Variants in PCDHGA9 observed in about 807,000 individuals in gnomAD.
PCDHGA9 encodes protocadherin gamma subfamily A, 9.
PCDHGA9 carries 37 observed loss-of-function variants against 62.5 expected under a neutral mutation model. The ratio of observed to expected loss-of-function variants is 0.59; its 90% confidence interval spans 0.46 to 0.78. The LOEUF (loss-of-function observed/expected upper bound fraction) is 0.78, where lower values mean the gene tolerates loss of function less well. Among genes scored for constraint, PCDHGA9 ranks in the 30% least tolerant of loss-of-function variants. PCDHGA9 has a pLI of 0.00. For synonymous variants in PCDHGA9, 459 were observed against 484.6 expected, an observed-to-expected ratio of 0.95 and a Z score of 0.69; for missense variants, 1,138 against 1,166.2, an observed-to-expected ratio of 0.98 and a Z score of 0.35.
chr5:141,499,457 T>G (rs1000400491), intron 2 of PCDHGA9, among the ~76,000 whole-genome samples: 1 of 152,214 alleles, frequency 6.6e-6, no homozygotes, highest in African/African-American at 2.4e-5. Context: ...CCCATCATTT[T>G]ACAATCTAGG....
At chr5:141,412,424 C>G (rs1383441983) in intron 1 of PCDHGA9, 1 of 152,136 alleles carries the variant, frequency 6.6e-6, no homozygotes, top group Non-Finnish European at 1.5e-5. Flanking sequence ...ATGTTTTACA[C>G]AAAAAGGTTA....
intron 1 of PCDHGA9, chr5:141,416,286 T>C (rs1415036175): frequency 2.0e-5 from 3 of 152,304 alleles, no homozygotes; most frequent in Non-Finnish European, 4.4e-5. Context: ...AATTCTCTAA[T>C]TTCACACTGC....
chr5:141,404,466 T>C lies in PCDHGA9; in HGVS notation c.1514T>C (p.Val505Ala), dbSNP rs536211455. ...CAAGGGTCTCCTCTCTCCACCTATG[T>C]CTCTATTAACTCAGACACTGGTGTG... Reference protein sequence around the residue: ...TIQGSPLSTYVSINSDTGVLY... With the variant: ...TIQGSPLSTYASINSDTGVLY... The change falls in exon 1 of 4, where the codon GTC (valine) becomes GCC (alanine). Residue 505 changes from valine (V) to alanine (A), a missense_variant. Transcript: ENST00000573521. 28 of 1,613,558 alleles carry C rather than the reference T, an allele frequency of 1.7e-5. No individual in the cohort carries two copies. Among genetic ancestry groups the C allele is most frequent in the East Asian group, 2.2e-5 (1 of 44,882 alleles).
At position 141,403,770 on chromosome 5, in the gene PCDHGA9, T is replaced by A; in HGVS notation, c.818T>A (p.Ile273Asn). The A allele has an allele frequency of 6.2e-7, 1 of 1,613,894 alleles. No homozygotes were observed. Among genetic ancestry groups the A allele is most frequent in the Non-Finnish European group, 8.5e-7 (1 of 1,179,886 alleles). Residue 273 changes from isoleucine to asparagine, a missense_variant, in exon 1 of 4, where the codon ATC becomes AAC. By Grantham distance (149) the Ile-to-Asn change is moderately radical (BLOSUM62 -3). Coordinates refer to ENST00000573521, the MANE Select transcript of PCDHGA9 (RefSeq NM_018921.3). ...ACAGCCAGCGACCTGGATGAGGGAA[T>A]CAACGGAAAAGTGGCATACAAATTC... ...TATASDLDEG[I>N]NGKVAYKFWK...
rs951029522 is a variant in PCDHGA9, at chr5:141,487,944, G to A, written c.2425-6863G>A. 6.6e-6 allele frequency among the ~76,000 whole-genome samples: 1 copy of A among 152,164 alleles called. No homozygotes were observed. Among genetic ancestry groups the A allele is most frequent in the Admixed American group, 6.5e-5 (1 of 15,282 alleles). On this transcript the variant is annotated intron_variant, in intron 1 of 3. Transcript: ENST00000573521. The surrounding 1 kb of genome is among the most constrained non-coding windows in gnomAD (Gnocchi z 5.0). ...ACAGTGCACAGGGTACAGTGCACCA[G>A]GCAGTCACTTGGACAAAGGTGGCTG...
At chr5:141,408,851 G>A in intron 1 of PCDHGA9, 1 of 1,613,574 alleles carries the variant, frequency 6.2e-7, no homozygotes, top group Non-Finnish European at 8.5e-7. Context: ...TGCCTTGGAC[G>A]GAGGGGACCC....
Position 141,490,345 on chromosome 5 carries a change from G to C in PCDHGA9, c.2425-4462G>C, listed in dbSNP as rs2099698831. On this transcript the variant is annotated intron_variant, in intron 1 of 3. Coordinates refer to ENST00000573521, the MANE Select transcript of PCDHGA9 (RefSeq NM_018921.3). This position sits in a 1 kb window ranked among gnomAD's most constrained non-coding sequence, Gnocchi z 5.4. ...AGAGAGCACACCAGTGGGCACAGTA[G>C]TGGGGTTGTTTAATGTGCGAGACCG... is the stretch of plus-strand genomic sequence containing the variant. 1 of 1,614,216 alleles carries C rather than the reference G, an allele frequency of 6.2e-7. No homozygotes were observed. Among genetic ancestry groups the C allele is most frequent in the Non-Finnish European group, 8.5e-7 (1 of 1,180,034 alleles).
chr5:141,409,639 G>A, intron 1 of PCDHGA9: 1 of 1,613,760 alleles, frequency 6.2e-7, no homozygotes, highest in Non-Finnish European at 8.5e-7. Flanking sequence ...CCTCTGACCC[G>A]GATTTGGGGC....
chr5:141,445,341 A>G (rs1165606147), intron 1 of PCDHGA9, among the ~76,000 whole-genome samples: 2 of 152,218 alleles, frequency 1.3e-5, no homozygotes, highest in African/African-American at 4.8e-5. Context: ...AACAGTAAAC[A>G]TTGGTGTCTG....
chr5:141,433,367 C>CTATA, intron 1 of PCDHGA9: 2 of 549,818 alleles, frequency 3.6e-6, no homozygotes, highest in South Asian at 4.5e-5. Flanking sequence ...GCCTATCTAT[C>CTATA]TATCTATCTA....
At chr5:141,421,156 C>T in intron 1 of PCDHGA9, 1 of 1,197,694 alleles carries the variant, frequency 8.3e-7, no homozygotes, top group Non-Finnish European at 1.1e-6. Flanking sequence ...CGGCCTAGGA[C>T]TTCATAGATA....
rs1333419586 is a variant in PCDHGA9 at position 141,485,206 on chromosome 5, C to T, written c.2425-9601C>T. 1 of 1,614,116 alleles carries T rather than the reference C, an allele frequency of 6.2e-7. No individual in the cohort carries two copies. The highest frequency in any genetic ancestry group is 8.5e-7 in the Non-Finnish European group (1 of 1,179,946). ...GCAAGGTGAGAAGCTGGACAGAAAT[C>T]TGGCGGTGGGCTACCCTTTTGTTCC... On this transcript the variant is annotated intron_variant, in intron 1 of 3. Coordinates refer to ENST00000573521, the MANE Select transcript of PCDHGA9 (RefSeq NM_018921.3). The surrounding 1 kb of genome is among the most constrained non-coding windows in gnomAD (Gnocchi z 5.7).
chr5:141,476,230 G>A lies in PCDHGA9; in HGVS notation c.2425-18577G>A, dbSNP rs906283645. On this transcript the variant is annotated intron_variant, in intron 1 of 3. Coordinates refer to ENST00000573521, the MANE Select transcript of PCDHGA9 (RefSeq NM_018921.3). This position sits in a 1 kb window ranked among gnomAD's most constrained non-coding sequence, Gnocchi z 7.6. Reference sequence around the variant, plus strand: ...CCACGGTCATTCACTATGAGATCCCGGAGGAAAGAGAGAAGGGTTTCGCTG... The same window carrying A: ...CCACGGTCATTCACTATGAGATCCCAGAGGAAAGAGAGAAGGGTTTCGCTG... The A allele has an allele frequency of 1.2e-6, 2 of 1,614,040 alleles. No homozygotes were observed. Among genetic ancestry groups the A allele is most frequent in the Non-Finnish European group, 1.7e-6 (2 of 1,180,024 alleles).
Position 141,487,649 on chromosome 5 carries a change from G to T in PCDHGA9, c.2425-7158G>T. The T allele has an allele frequency of 1.2e-6, 2 of 1,614,020 alleles. No individual in the cohort carries two copies. The highest frequency in any genetic ancestry group is 1.7e-6 in the Non-Finnish European group (2 of 1,179,968). The stretch of plus-strand genomic sequence containing the variant: ...TTTGCAGGCTCAACAAATGCTTGAG[G>T]GTTATTCTGATCCAGGCATATGGCT... On this transcript the variant is annotated intron_variant, in intron 1 of 3. Coordinates refer to ENST00000573521, the MANE Select transcript of PCDHGA9 (RefSeq NM_018921.3). This position sits in a 1 kb window ranked among gnomAD's most constrained non-coding sequence, Gnocchi z 5.0.
Position 141,404,811 on chromosome 5 carries a change from G to A in PCDHGA9, c.1859G>A (p.Gly620Glu), listed in dbSNP as rs2094571358. The part of the protein sequence containing the change: ...KASEPGLFSV[G>E]LHTGEVRTAR... Reference sequence around the variant, plus strand: ...AGTGAGCCAGGGCTCTTCTCGGTGGGGCTGCACACAGGTGAAGTGCGCACA... The same window carrying A: ...AGTGAGCCAGGGCTCTTCTCGGTGGAGCTGCACACAGGTGAAGTGCGCACA... Residue 620 changes from glycine (G) to glutamate (E), a missense_variant, in exon 1 of 4, where the codon GGG becomes GAG. Physicochemically the swap from Gly to Glu is moderately conservative, Grantham distance 98. Coordinates refer to ENST00000573521, the MANE Select transcript of PCDHGA9 (RefSeq NM_018921.3). 1 of 1,606,238 alleles carries A rather than the reference G, an allele frequency of 6.2e-7. No homozygotes were observed. Among genetic ancestry groups the A allele is most frequent in the African/African-American group, 1.4e-5 (1 of 72,502 alleles).
intron 1 of PCDHGA9, chr5:141,415,377 C>A: frequency 1.2e-6 from 2 of 1,614,236 alleles, no homozygotes; most frequent in Non-Finnish European, 1.7e-6. Flanking sequence ...CTTCAGGAGG[C>A]GGCTTGACAG....
At chr5:141,478,963 A>G (rs193236728) in intron 1 of PCDHGA9, among the ~76,000 whole-genome samples, 5 of 152,322 alleles carry the variant, frequency 3.3e-5, no homozygotes, top group East Asian at 1.9e-4. Context: ...TCATTCCTCC[A>G]CCTTTCAAGT....
chr5:141,413,190 G>A (rs965319802), intron 1 of PCDHGA9: 11 of 1,607,556 alleles, frequency 6.8e-6, no homozygotes, highest in East Asian at 2.2e-5. Flanking sequence ...CCGCTCAAAG[G>A]AATCGCTCAA....
Position 141,489,276 on chromosome 5 carries a change from A to G in PCDHGA9, c.2425-5531A>G. 6.4e-7 allele frequency: 1 copy of G among 1,556,122 alleles called. No homozygotes were observed. Among genetic ancestry groups the G allele is most frequent in the Non-Finnish European group, 8.7e-7 (1 of 1,151,562 alleles). On this transcript the variant is annotated intron_variant, in intron 1 of 3. Coordinates refer to ENST00000573521, the MANE Select transcript of PCDHGA9 (RefSeq NM_018921.3). The surrounding 1 kb of genome is among the most constrained non-coding windows in gnomAD (Gnocchi z 4.5). ...AGACACTCCCACAGCTCGCTGGGAA[A>G]TGGCAAGTGCTGTGCATGTTGTCCT...
Sources: gnomAD v4.1 joint callset for allele counts (sites outside exome capture counted in the v4.1 genomes callset) on GRCh38, gnomAD v4.1.1 for gene constraint, Gnocchi (gnomAD v3.1) non-coding constraint, MANE v1.5 for transcripts, NCBI Gene and HGNC (gene_info 2026-07-23, HGNC 2026-07-21) for gene names.